CRNKL1: variants seen among roughly 807,000 people sequenced by gnomAD.
CRNKL1 encodes the protein crooked neck-like protein 1.
Under a neutral mutation model 103.7 loss-of-function variants are expected in CRNKL1, and 35 were observed. That is an observed-to-expected ratio of 0.34 (90% CI 0.26 to 0.45). CRNKL1 has a LOEUF of 0.45. Among genes scored for constraint, CRNKL1 ranks in the 20% least tolerant of loss-of-function variants. The pLI, the probability that CRNKL1 is intolerant of heterozygous loss-of-function variation, is 1.00. For missense variants in CRNKL1, 645 were observed against 836.0 expected, an observed-to-expected ratio of 0.77 and a Z score of 2.82; for synonymous variants, 267 against 282.6, an observed-to-expected ratio of 0.94 and a Z score of 0.55.
Position 20,036,136 on chromosome 20 carries a change from C to G in CRNKL1, c.*59G>C. On this transcript the variant is annotated 3_prime_UTR_variant, in exon 14 of 14. Transcript: ENST00000536226. ...AATATATAAGAACTTCCAGGAGTCACAAGAGTTCCAAACAATTAATTTATA... is the reference window on the plus strand; with the variant it reads ...AATATATAAGAACTTCCAGGAGTCAGAAGAGTTCCAAACAATTAATTTATA... 2 of 1,544,894 alleles carry G rather than the reference C, an allele frequency of 1.3e-6. No homozygotes were observed. Among genetic ancestry groups the G allele is most frequent in the Non-Finnish European group, 1.8e-6 (2 of 1,134,520 alleles).
chr20:20,040,733 G>C lies in CRNKL1; in HGVS notation c.1258C>G (p.Gln420Glu), dbSNP rs1003126638. The C allele has an allele frequency of 6.2e-7, 1 of 1,611,438 alleles. No individual in the cohort carries two copies. Among genetic ancestry groups the C allele is most frequent in the Non-Finnish European group, 8.5e-7 (1 of 1,179,662 alleles). Reference protein sequence around the residue: ...TFAKMWILYAQFEIRQKNLSL... With the variant: ...TFAKMWILYAEFEIRQKNLSL... ...AGATTCTTCTGTCGTATTTCAAACT[G>C]TGCATACAGTATCCACATTTTGGCA... The change falls in exon 10 of 14, where the codon CAG becomes GAG. Residue 420 changes from glutamine (Q) to glutamate (E), a missense_variant. Gln to Glu is a conservative substitution (Grantham distance 29, BLOSUM62 2). This residue lies in a region of CRNKL1 where 582 missense variants were observed against 707.7 expected (regional missense o/e 0.82). Coordinates refer to ENST00000536226, the MANE Select transcript of CRNKL1 (RefSeq NM_001278628.2).
At chr20:20,055,772 G>T (rs1212469413), upstream of CRNKL1, among the ~76,000 whole-genome samples, 2 of 152,100 alleles carry the variant, frequency 1.3e-5, no homozygotes, top group Non-Finnish European at 2.9e-5. Context: ...GGTTAGCTTC[G>T]ATAGGAGTCT....
rs2043392490 is a variant in CRNKL1, at chr20:20,034,768, C to T, written c.*1427G>A. ...CTGAAAACAGATTTTATCTCAACAA[C>T]AGTCCTAGTTTCTTCTGTCCTCAAA... is the stretch of plus-strand genomic sequence containing the variant. On this transcript the variant is annotated 3_prime_UTR_variant, in exon 14 of 14. Coordinates refer to ENST00000536226, the MANE Select transcript of CRNKL1 (RefSeq NM_001278628.2). The T allele has an allele frequency of 6.6e-6, 1 of 152,238 alleles. No homozygotes were observed. The highest frequency in any genetic ancestry group is 1.9e-4 in the East Asian group (1 of 5,196). 9.4% of individuals were successfully genotyped at this position (152,238 alleles called of 1,614,324 possible). A position where few individuals can be genotyped will look rare whatever the true frequency, so the allele number is the denominator to read the frequency against.
chr20:20,034,388 G>A lies in CRNKL1; in HGVS notation c.*1807C>T, dbSNP rs565438448. The A allele has an allele frequency of 6.6e-5, 10 of 152,202 alleles. No individual in the cohort carries two copies. In the South Asian group the frequency reaches 1.7e-3, roughly 25 times the overall value. The allele number at this position is 152,202 out of a possible 1,614,324, so 9.4% of individuals were successfully genotyped here. A position where few individuals can be genotyped will look rare whatever the true frequency, so the allele number is the denominator to read the frequency against. ...AATTATTAAACTTTTACTATCGAAA[G>A]GATTTACTTTGGTGGAGTTGAGGGT... On this transcript the variant is annotated 3_prime_UTR_variant, in exon 14 of 14. Transcript: ENST00000536226.
chr20:20,048,845 G>A (rs556795130), intron 3 of CRNKL1, among the ~76,000 whole-genome samples: 5 of 152,252 alleles, frequency 3.3e-5, no homozygotes, highest in Admixed American at 2.0e-4. Flanking sequence ...TAAGTTTGGT[G>A]AGGAGGGGGT....
chr20:20,052,679 G>A (rs1224262708), upstream of CRNKL1: 1 of 1,613,036 alleles, frequency 6.2e-7, no homozygotes. Flanking sequence ...TCCGGAACTG[G>A]GATGACCAGG....
At chr20:20,044,963 G>C (rs1358520043) in intron 6 of CRNKL1, among the ~76,000 whole-genome samples, 1 of 152,122 alleles carries the variant, frequency 6.6e-6, no homozygotes, top group East Asian at 1.9e-4. Flanking sequence ...AATGTTTTCT[G>C]TTCTAGGGCT....
chr20:20,037,310 G>A lies in CRNKL1; in HGVS notation c.1896+13C>T. 6.2e-7 allele frequency: 1 copy of A among 1,611,390 alleles called. No homozygotes were observed. Among genetic ancestry groups the A allele is most frequent in the South Asian group, 1.1e-5 (1 of 90,626 alleles). ...GTGACGTGAGATGAACAGTCCCAGG[G>A]CAGAGTTCTTACCCCATCATCAGTC... On this transcript the variant is annotated intron_variant, in intron 13 of 13. Transcript: ENST00000536226.
At chr20:20,043,352 G>C (rs917403561) in intron 7 of CRNKL1, 140 bp downstream of exon 7, 10 of 792,366 alleles carry the variant, frequency 1.3e-5, no homozygotes, top group African/African-American at 1.0e-4. Flanking sequence ...GTCTGAAATA[G>C]CTGCCAATTG....
chr20:20,047,707 G>C (rs934716713), intron 5 of CRNKL1, 58 bp downstream of exon 5: 1 of 1,544,004 alleles, frequency 6.5e-7, no homozygotes, highest in Non-Finnish European at 8.9e-7. Context: ...ATCTCTACAG[G>C]AGCAGCAGCA....
At chr20:20,042,186 T>C in intron 8 of CRNKL1, 139 bp downstream of exon 8, 1 of 711,518 alleles carries the variant, frequency 1.4e-6, no homozygotes, top group Non-Finnish European at 2.2e-6. Flanking sequence ...AATATATAAC[T>C]GTATGGATGA....
rs1409870890 is a variant in CRNKL1 at position 20,052,232 on chromosome 20, A to T, written c.51+60T>A. The T allele has an allele frequency of 2.1e-6, 3 of 1,447,572 alleles. No individual in the cohort carries two copies. In the African/African-American group the frequency reaches 4.2e-5, roughly 20 times the overall value. 89.7% of individuals were successfully genotyped at this position (1,447,572 alleles called of 1,614,324 possible). A position where few individuals can be genotyped will look rare whatever the true frequency, so the allele number is the denominator to read the frequency against. On this transcript the variant is annotated intron_variant, in intron 1 of 13. Transcript: ENST00000536226. ...ACTCTCTCCCAACCCGGGCACCCTC[A>T]GGGCTGAGGGATGCCCCTTTCCTAG...
chr20:20,052,522 C>T (rs763086392), upstream of CRNKL1: 6 of 1,614,122 alleles, frequency 3.7e-6, no homozygotes, highest in Non-Finnish European at 5.1e-6. Flanking sequence ...GCACCGTTTC[C>T]ATGGTGACCA....
Position 20,052,430 on chromosome 20 carries a change from A to C in CRNKL1, c.-88T>G. On this transcript the variant is annotated 5_prime_UTR_variant, in exon 1 of 14. Transcript: ENST00000536226. ...AGCTCACCGAAACCACAAAGCTTTC[A>C]GAAAACAAACAGGATCTCGGAACCG... The C allele has an allele frequency of 1.2e-6, 2 of 1,614,252 alleles. No homozygotes were observed. Among genetic ancestry groups the C allele is most frequent in the Non-Finnish European group, 1.7e-6 (2 of 1,180,054 alleles).
rs1193122579 is a variant in CRNKL1, at chr20:20,039,723, T to C, written c.1431A>G (p.Glu477=). The C allele has an allele frequency of 1.2e-6, 2 of 1,614,212 alleles. No individual in the cohort carries two copies. The highest frequency in any genetic ancestry group is 4.5e-5 in the East Asian group (2 of 44,888). ...CGAATTTAATCCATGAGGTACAATTTTCAGGTCCAAATTCCAGGAACTTTT... is the reference window on the plus strand; with the variant it reads ...CGAATTTAATCCATGAGGTACAATTCTCAGGTCCAAATTCCAGGAACTTTT... ...LYEKFLEFGP[E]NCTSWIKFAE... Residue 477 remains glutamate, a synonymous_variant, in exon 11 of 14, where the codon GAA becomes GAG. Coordinates refer to ENST00000536226, the MANE Select transcript of CRNKL1 (RefSeq NM_001278628.2).
At chr20:20,055,491 G>A (rs941259154), upstream of CRNKL1, among the ~76,000 whole-genome samples, 15 of 152,132 alleles carry the variant, frequency 9.9e-5, no homozygotes, top group African/African-American at 3.4e-4. Context: ...TTAATTCTCT[G>A]TTTGGAGTGA....
At chr20:20,039,913 C>G in intron 10 of CRNKL1, 65 bp from the exon 11 acceptor site, 1 of 1,543,390 alleles carries the variant, frequency 6.5e-7, no homozygotes, top group East Asian at 2.2e-5. Context: ...AGTTATTGCA[C>G]TGCCCTAGAG....
rs1168870490 is a variant in CRNKL1, at chr20:20,034,495, C to CA, written c.*1699dup. On this transcript the variant is annotated 3_prime_UTR_variant, in exon 14 of 14. Coordinates refer to ENST00000536226, the MANE Select transcript of CRNKL1 (RefSeq NM_001278628.2). ...CTTTCACACTGGCACATGCTTATTA[C>CA]AATTCTACCTTGGGAACATGACAGA... The CA allele has an allele frequency of 7.9e-5, 12 of 152,206 alleles. No homozygotes were observed. The allele number at this position is 152,206 out of a possible 1,614,324, so 9.4% of individuals were successfully genotyped here. A position where few individuals can be genotyped will look rare whatever the true frequency, so the allele number is the denominator to read the frequency against.
upstream of CRNKL1, among the ~76,000 whole-genome samples, chr20:20,053,850 T>TA: frequency 1.3e-5 from 2 of 152,286 alleles, no homozygotes; most frequent in East Asian, 3.9e-4. Flanking sequence ...AATGTGTTAC[T>TA]GTAAACAATT....
Sources: gnomAD v4.1 joint callset for allele counts (sites outside exome capture counted in the v4.1 genomes callset) on GRCh38, gnomAD v4.1.1 for gene constraint, gnomAD v4.1.1 regional missense constraint, MANE v1.5 for transcripts, NCBI Gene and HGNC (gene_info 2026-07-23, HGNC 2026-07-21) for gene names.